CDKL4: variants seen among roughly 807,000 people sequenced by gnomAD.
The protein encoded by CDKL4 is cyclin dependent kinase like 4.
In CDKL4, 44 loss-of-function variants were observed where a neutral mutation model predicts 42.0. The observed-to-expected ratio is 1.05, with a 90% CI of 0.82 to 1.35. CDKL4 has a LOEUF of 1.35. CDKL4 is among the 40% of genes most tolerant of loss of function. The pLI is 0.00. For synonymous variants in CDKL4, 120 were observed against 121.6 expected, an observed-to-expected ratio of 0.99 and a Z score of 0.09; for missense variants, 393 against 369.9, an observed-to-expected ratio of 1.06 and a Z score of -0.51.
chr2:39,189,245 T>C (rs755065937), intron 6 of CDKL4, among the ~76,000 whole-genome samples: 15 of 152,190 alleles, frequency 9.9e-5, no homozygotes, highest in Non-Finnish European at 2.1e-4. Context: ...TTTGCATCCA[T>C]GCTGTTGGCA....
At position 39,190,516 on chromosome 2, in the gene CDKL4, A is replaced by C. The variant is rs778440516; in HGVS notation, c.455-14T>G. ...CATCTCCTGGAACTGCAAATGCATC[A>C]ATCAGATCAGGTAAGTCAATTCTCC... On this transcript the variant is annotated splice_polypyrimidine_tract_variant and intron_variant, in intron 5 of 9. Transcript: ENST00000451199. 6.2e-7 allele frequency: 1 copy of C among 1,612,966 alleles called. No homozygotes were observed. The highest frequency in any genetic ancestry group is 1.6e-4 in the Middle Eastern group (1 of 6,062).
At chr2:39,203,521 C>A (rs999903727) in intron 5 of CDKL4, among the ~76,000 whole-genome samples, 1 of 152,144 alleles carries the variant, frequency 6.6e-6, no homozygotes, top group African/African-American at 2.4e-5. Flanking sequence ...CACTTAATTT[C>A]CTAAATTGAG....
At chr2:39,222,281 G>C (rs1678419221) in intron 3 of CDKL4, among the ~76,000 whole-genome samples, 1 of 152,118 alleles carries the variant, frequency 6.6e-6, no homozygotes, top group African/African-American at 2.4e-5. Flanking sequence ...CAAATATCTA[G>C]GATTTCACAT....
At chr2:39,188,046 C>T (rs750473072) in intron 6 of CDKL4, among the ~76,000 whole-genome samples, 8 of 151,014 alleles carry the variant, frequency 5.3e-5, no homozygotes, top group South Asian at 2.1e-4. Context: ...CCAGCCTGGG[C>T]GACAGAGCAA....
At chr2:39,191,626 T>C (rs1232613934) in intron 5 of CDKL4, among the ~76,000 whole-genome samples, 1 of 152,212 alleles carries the variant, frequency 6.6e-6, no homozygotes. Flanking sequence ...TCTATCCAAA[T>C]GTGACCCACT....
At chr2:39,209,443 T>G (rs952290884) in intron 4 of CDKL4, among the ~76,000 whole-genome samples, 2 of 152,174 alleles carry the variant, frequency 1.3e-5, no homozygotes, top group Non-Finnish European at 2.9e-5. Context: ...GTTACCTCAC[T>G]CTAGTGATAT....
intron 9 of CDKL4, 146 bp from the exon 10 acceptor site, chr2:39,176,242 T>G (rs1280759608): frequency 3.0e-6 from 1 of 328,448 alleles, no homozygotes; most frequent in Non-Finnish European, 6.0e-6. Context: ...TAGGGTTACC[T>G]TTCCAAAAAT....
intron 4 of CDKL4, among the ~76,000 whole-genome samples, chr2:39,208,194 A>G (rs1026894845): frequency 2.0e-5 from 3 of 151,098 alleles, no homozygotes; most frequent in Admixed American, 2.0e-4. Context: ...AGATGCTTAG[A>G]CATACAGCAT....
exon 10 of CDKL4, chr2:39,175,975 GCACTTGAAAGAA>G (rs1354731192): frequency 4.3e-6 from 2 of 467,184 alleles, no homozygotes; most frequent in Non-Finnish European, 8.8e-6. Context: ...AAATTACTTT[GCACTTGAAAGAA>G]CATTTTCCTA....
intron 1 of CDKL4, among the ~76,000 whole-genome samples, chr2:39,237,436 T>C (rs1171827661): frequency 2.0e-5 from 3 of 152,240 alleles, no homozygotes; most frequent in Non-Finnish European, 4.4e-5. Flanking sequence ...TGATGAAAGA[T>C]TGAATGTGTT....
chr2:39,222,576 T>G (rs958490530), intron 3 of CDKL4, among the ~76,000 whole-genome samples: 7 of 151,934 alleles, frequency 4.6e-5, no homozygotes, highest in African/African-American at 1.7e-4. Context: ...GGCGACAGTG[T>G]GAGACTCTGT....
At position 39,203,927 on chromosome 2, in the gene CDKL4, G is replaced by A. The variant is rs114846981; in HGVS notation, c.454+600C>T. ...CGTGTTTGGGTCCCATCAGGATACC[G>A]ATTATGTCCACACCCAGACTGCGAG... On this transcript the variant is annotated intron_variant, in intron 5 of 9. Coordinates refer to ENST00000451199, the Ensembl canonical transcript of CDKL4. Among the ~76,000 whole-genome samples the A allele has an allele frequency of 7.3e-3, 1,110 of 152,208 alleles. 12 individuals carry two copies. The highest frequency in any genetic ancestry group is 0.026 in the African/African-American group (1,064 of 41,530).
chr2:39,189,307 G>A (rs1676031035), intron 6 of CDKL4, among the ~76,000 whole-genome samples: 1 of 152,166 alleles, frequency 6.6e-6, no homozygotes, highest in African/African-American at 2.4e-5. Flanking sequence ...GAAAGCTCAC[G>A]AAAGAAACCC....
chr2:39,222,786 C>A (rs1475673354), intron 3 of CDKL4, among the ~76,000 whole-genome samples: 1 of 151,846 alleles, frequency 6.6e-6, no homozygotes, highest in Non-Finnish European at 1.5e-5. Flanking sequence ...AGTTTCAGGG[C>A]CTTGAACAAT....
At chr2:39,220,644 G>T (rs1302019840) in intron 3 of CDKL4, among the ~76,000 whole-genome samples, 3 of 151,890 alleles carry the variant, frequency 2.0e-5, no homozygotes, top group East Asian at 3.9e-4. Flanking sequence ...CTGGAGTGAA[G>T]TGGCATGGTC....
At chr2:39,205,780 AG>A (rs1677140240) in intron 4 of CDKL4, among the ~76,000 whole-genome samples, 3 of 138,754 alleles carry the variant, frequency 2.2e-5, no homozygotes, top group Admixed American at 7.2e-5. Flanking sequence ...AAAAAAAAAA[AG>A]AAAGAAAGAA....
intron 5 of CDKL4, among the ~76,000 whole-genome samples, chr2:39,196,153 C>T (rs1317364357): frequency 6.6e-6 from 1 of 152,208 alleles, no homozygotes; most frequent in Non-Finnish European, 1.5e-5. Flanking sequence ...CAGCTCCTGG[C>T]TGGAGGTCAA....
intron 9 of CDKL4, chr2:39,178,705 C>G (rs779299787): frequency 1.4e-5 from 22 of 1,609,214 alleles, no homozygotes; most frequent in Admixed American, 1.7e-5. Context: ...TTCCTTTGTA[C>G]CTGGCAGATC....
intron 3 of CDKL4, among the ~76,000 whole-genome samples, chr2:39,224,563 G>A (rs1678578189): frequency 6.7e-6 from 1 of 150,140 alleles, no homozygotes; most frequent in African/African-American, 2.5e-5. Flanking sequence ...GAGTGCAGTG[G>A]TGTGATCTCG....
Sources: allele counts gnomAD v4.1 joint callset (sites outside exome capture counted in the v4.1 genomes callset), GRCh38; gene constraint gnomAD v4.1.1; transcripts MANE v1.5; gene names NCBI Gene and HGNC (gene_info 2026-07-23, HGNC 2026-07-21).